PGR: variants seen among roughly 807,000 people sequenced by gnomAD.
The protein encoded by PGR is progesterone receptor.
PGR carries 25 observed loss-of-function variants against 76.1 expected under a neutral mutation model. The observed-to-expected ratio is 0.33, with a 90% CI of 0.24 to 0.46. The LOEUF is 0.46. Ranked by LOEUF, PGR falls within the 20% of genes least tolerant of loss-of-function variation. The pLI, the probability that PGR is intolerant of heterozygous loss-of-function variation, is 1.00. For missense variants in PGR, 1,172 were observed against 1,225.3 expected, an observed-to-expected ratio of 0.96 and a Z score of 0.65; for synonymous variants, 579 against 535.0, an observed-to-expected ratio of 1.08 and a Z score of -1.14.
chr11:101,095,018 G>T (rs1379087050), intron 2 of PGR, among the ~76,000 whole-genome samples: 1 of 152,068 alleles, frequency 6.6e-6, no homozygotes, highest in Non-Finnish European at 1.5e-5. Context: ...CTTGATCTTG[G>T]ACTTCTCAGC....
intron 6 of PGR, among the ~76,000 whole-genome samples, chr11:101,045,568 C>T (rs894202162): frequency 5.3e-5 from 8 of 152,084 alleles, no homozygotes; most frequent in Non-Finnish European, 1.2e-4. Flanking sequence ...GACTTTGTCT[C>T]TGAATTGTTT....
intron 3 of PGR, among the ~76,000 whole-genome samples, chr11:101,087,335 G>C (rs929509475): frequency 6.6e-6 from 1 of 152,134 alleles, no homozygotes; most frequent in Admixed American, 6.6e-5. Flanking sequence ...ATGCAGAAAG[G>C]ATTCCTTATT....
chr11:101,036,767 TC>T lies in PGR; in HGVS notation c.*2348del, dbSNP rs1859530788. ...AAAGCCAAACCTGTGGCCACCACATTCTATTCCCTCATAGTTGAGTGAAATT... is the reference window on the plus strand; with the variant it reads ...AAAGCCAAACCTGTGGCCACCACATTTATTCCCTCATAGTTGAGTGAAATT... On this transcript the variant is annotated 3_prime_UTR_variant, in exon 8 of 8. Coordinates refer to ENST00000325455, the MANE Select transcript of PGR (RefSeq NM_000926.4). 1 of 198,186 alleles carries T rather than the reference TC, an allele frequency of 5.0e-6. No individual in the cohort carries two copies. The highest frequency in any genetic ancestry group is 1.0e-5 in the Non-Finnish European group (1 of 95,580). 12.3% of individuals were successfully genotyped at this position (198,186 alleles called of 1,614,324 possible). A position where few individuals can be genotyped will look rare whatever the true frequency, so the allele number is the denominator to read the frequency against.
At chr11:101,127,259 G>A (rs1044654075) in intron 1 of PGR, among the ~76,000 whole-genome samples, 175 bp downstream of exon 1, 1 of 152,186 alleles carries the variant, frequency 6.6e-6, no homozygotes, top group Admixed American at 6.5e-5. Context: ...GTGAGGAGAG[G>A]AGGGAAGAAG....
At chr11:101,091,966 C>A (rs1861688996) in intron 2 of PGR, 90 bp from the exon 3 acceptor site, 2 of 738,362 alleles carry the variant, frequency 2.7e-6, no homozygotes, top group South Asian at 1.5e-5. Flanking sequence ...AGACTAGATA[C>A]ACATCAGCAA....
chr11:101,040,925 C>T (rs907705076), intron 7 of PGR, among the ~76,000 whole-genome samples: 1 of 151,858 alleles, frequency 6.6e-6, no homozygotes, highest in Non-Finnish European at 1.5e-5. Flanking sequence ...TCTAATTTTC[C>T]ATGTTTTGAT....
At chr11:101,120,945 T>G (rs1375963555) in intron 2 of PGR, among the ~76,000 whole-genome samples, 1 of 152,168 alleles carries the variant, frequency 6.6e-6, no homozygotes, top group Non-Finnish European at 1.5e-5. Context: ...TGAAAGAGTA[T>G]TAAAAATCTG....
rs138540622 is a variant in PGR, at chr11:101,035,318, T to C, written c.*3798A>G. On this transcript the variant is annotated 3_prime_UTR_variant, in exon 8 of 8. Coordinates refer to ENST00000325455, the MANE Select transcript of PGR (RefSeq NM_000926.4). Reference sequence around the variant, plus strand: ...TTGTAAAAGTTTTTAAAATGATTCATATTCTATCCTGACTTCTGATGTGTG... The same window carrying C: ...TTGTAAAAGTTTTTAAAATGATTCACATTCTATCCTGACTTCTGATGTGTG... 2.2e-5 allele frequency: 5 copies of C among 229,966 alleles called. No individual in the cohort carries two copies. Among genetic ancestry groups the C allele is most frequent in the African/African-American group, 1.1e-4 (5 of 45,308 alleles). 14.2% of individuals were successfully genotyped at this position (229,966 alleles called of 1,614,324 possible).
At chr11:101,046,115 T>A (rs79846138) in intron 6 of PGR, among the ~76,000 whole-genome samples, 1 of 77,776 alleles carries the variant, frequency 1.3e-5, no homozygotes, top group Non-Finnish European at 2.6e-5. Context: ...TTATTTATTT[T>A]TATTTATTTA....
At position 101,127,852 on chromosome 11, in the gene PGR, C is replaced by T; in HGVS notation, c.1219G>A (p.Ala407Thr). 2 of 1,592,904 alleles carry T rather than the reference C, an allele frequency of 1.3e-6. No individual in the cohort carries two copies. The highest frequency in any genetic ancestry group is 1.7e-6 in the Non-Finnish European group (2 of 1,175,104). ...GGGAAGGCTGCGGGGTTGGCACCGG[C>T]CACAAGGTAGGAACGCGGGGAGCGC... ...SARSPRSYLV[A>T]GANPAAFPDF... is the part of the protein sequence containing the mutation. The change falls in exon 1 of 8, where the codon GCC becomes ACC. Residue 407 changes from alanine (A) to threonine (T), a missense_variant. Coordinates refer to ENST00000325455, the MANE Select transcript of PGR (RefSeq NM_000926.4).
chr11:101,087,738 A>C (rs1378144599), intron 3 of PGR, among the ~76,000 whole-genome samples: 2 of 68,984 alleles, frequency 2.9e-5, no homozygotes, highest in African/African-American at 1.4e-4. Context: ...TTGAACAAGC[A>C]AAAAAAAAAA....
intron 3 of PGR, among the ~76,000 whole-genome samples, chr11:101,081,570 G>A (rs1391706914): frequency 1.3e-5 from 2 of 152,172 alleles, no homozygotes; most frequent in African/African-American, 4.8e-5. Flanking sequence ...TTTCTCAGCA[G>A]AGGTTTGCAA....
At chr11:101,105,752 A>T (rs1862138250) in intron 2 of PGR, among the ~76,000 whole-genome samples, 1 of 152,194 alleles carries the variant, frequency 6.6e-6, no homozygotes, top group African/African-American at 2.4e-5. Context: ...GGAACCAAAA[A>T]AGAGCCCACA....
chr11:101,086,542 G>T (rs904711670), intron 3 of PGR, among the ~76,000 whole-genome samples: 11 of 152,138 alleles, frequency 7.2e-5, no homozygotes, highest in African/African-American at 2.7e-4. Flanking sequence ...AGTTAAGGAT[G>T]CTCACTCTCA....
Position 101,038,217 on chromosome 11 carries a change from G to A in PGR, c.*899C>T, listed in dbSNP as rs1859575947. 1.0e-5 allele frequency: 2 copies of A among 193,148 alleles called. No individual in the cohort carries two copies. Among genetic ancestry groups the A allele is most frequent in the South Asian group, 3.8e-4 (2 of 5,208 alleles). 12.0% of individuals were successfully genotyped at this position (193,148 alleles called of 1,614,324 possible). On this transcript the variant is annotated 3_prime_UTR_variant, in exon 8 of 8. Transcript: ENST00000325455. ...CTTCTTTCCTTTGATTTGAAAAGAT[G>A]TTAATAAGCTCTGACCCAAAGGAGC...
intron 3 of PGR, among the ~76,000 whole-genome samples, chr11:101,085,998 C>G (rs1329236113): frequency 1.3e-5 from 2 of 152,114 alleles, no homozygotes; most frequent in Non-Finnish European, 2.9e-5. Context: ...GAGAGATTCA[C>G]AGCTAAATTC....
intron 5 of PGR, among the ~76,000 whole-genome samples, chr11:101,050,489 G>A (rs959034874): frequency 6.6e-6 from 1 of 152,044 alleles, no homozygotes; most frequent in Non-Finnish European, 1.5e-5. Context: ...GGAGAAGTCA[G>A]TTCACAAAGC....
chr11:101,060,006 G>T (rs693765), intron 4 of PGR, among the ~76,000 whole-genome samples: 4,414 of 152,104 alleles, frequency 0.029, 207 homozygotes, highest in African/African-American at 0.1. Context: ...AGAATTCTTA[G>T]GGCACCTGCA....
At chr11:101,041,911 A>G in intron 7 of PGR, 34 bp downstream of exon 7, 1 of 1,557,690 alleles carries the variant, frequency 6.4e-7, no homozygotes. Context: ...TCAGAGAATA[A>G]TCATTGATAT....
Sources: gnomAD v4.1 joint callset for allele counts (sites outside exome capture counted in the v4.1 genomes callset) on GRCh38, gnomAD v4.1.1 for gene constraint, MANE v1.5 for transcripts, NCBI Gene and HGNC (gene_info 2026-07-23, HGNC 2026-07-21) for gene names.